The following SIGLEC1 variants were observed in gnomAD, a reference collection of about 807,000 sequenced individuals.
The protein encoded by SIGLEC1 is sialic acid binding Ig like lectin 1, also known as sialoadhesin.
In SIGLEC1, 132 loss-of-function variants were observed where a neutral mutation model predicts 148.0. The observed-to-expected ratio is 0.89, with a 90% confidence interval of 0.77 to 1.03. The LOEUF is 1.03. Ranked by LOEUF, SIGLEC1 falls within the 50% of genes least tolerant of loss-of-function variation. SIGLEC1 has a pLI of 0.00. For synonymous variants in SIGLEC1, 945 were observed against 969.0 expected, an observed-to-expected ratio of 0.98 and a Z score of 0.46; for missense variants, 2,253 against 2,271.4, an observed-to-expected ratio of 0.99 and a Z score of 0.16.
chr20:3,694,104 T>C (rs1233256142), intron 13 of SIGLEC1, 117 bp downstream of exon 13: 1 of 1,125,672 alleles, frequency 8.9e-7, no homozygotes, highest in East Asian at 2.5e-5. Context: ...TTAGGAAGGG[T>C]GGGAATGGGG....
rs545141697 is a variant in SIGLEC1 at position 3,707,257 on chromosome 20, T to C, written c.-109-20A>G. On this transcript the variant is annotated intron_variant, in intron 1 of 21. Transcript: ENST00000344754. Reference sequence around the variant, plus strand: ...CACCTGCTAGAAGTCCGAGCCTGTGTCCCCACCTCCTCTGCTGGCCAACCC... The same window carrying C: ...CACCTGCTAGAAGTCCGAGCCTGTGCCCCCACCTCCTCTGCTGGCCAACCC... 1 of 743,008 alleles carries C rather than the reference T, an allele frequency of 1.3e-6. No homozygotes were observed. Among genetic ancestry groups the C allele is most frequent in the South Asian group, 1.5e-5 (1 of 65,150 alleles). The allele number at this position is 743,008 out of a possible 1,614,324, so 46.0% of individuals were successfully genotyped here.
rs761312752 is a variant in SIGLEC1 at position 3,697,073 on chromosome 20, C to G, written c.2380+12G>C. On this transcript the variant is annotated intron_variant, in intron 10 of 21. Coordinates refer to ENST00000344754, the MANE Select transcript of SIGLEC1 (RefSeq NM_023068.4). The stretch of plus-strand genomic sequence containing the variant: ...CCTCCAAGTCCCCAGGCTGCCCATG[C>G]CAGTCACCCACAGAGTACACTCAGG... 6.2e-7 allele frequency: 1 copy of G among 1,606,948 alleles called. No homozygotes were observed. Among genetic ancestry groups the G allele is most frequent in the South Asian group, 1.1e-5 (1 of 91,024 alleles).
At chr20:3,701,673 C>T in intron 6 of SIGLEC1, 32 bp from the exon 7 acceptor site, 2 of 1,523,868 alleles carry the variant, frequency 1.3e-6, no homozygotes, top group African/African-American at 1.4e-5. Flanking sequence ...GCCTGTCACC[C>T]TCAGACAAGG....
rs59383643 is a variant in SIGLEC1, at chr20:3,694,174, GACACACAC to G, written c.3256+39_3256+46del. ...TCCCACCTCCTCTCCTCTTTTAAAG[GACACACAC>G]ACACACACACACACACACACACACA... On this transcript the variant is annotated intron_variant, in intron 13 of 21. Coordinates refer to ENST00000344754, the MANE Select transcript of SIGLEC1 (RefSeq NM_023068.4). The G allele has an allele frequency of 1.9e-3, 2,178 of 1,165,148 alleles. 4 individuals carry two copies. The African/African-American group carries it at 0.022, about 12-fold the overall frequency. 72.2% of individuals were successfully genotyped at this position (1,165,148 alleles called of 1,614,324 possible).
chr20:3,706,192 A>T (rs2146531930), intron 3 of SIGLEC1, 152 bp from the exon 4 acceptor site: 2 of 1,303,846 alleles, frequency 1.5e-6, no homozygotes, highest in East Asian at 4.8e-5. Context: ...GGTGAATACA[A>T]GGGAGAACCA....
rs1348692566 is a variant in SIGLEC1, at chr20:3,689,299, C to G, written c.4998-72G>C. The stretch of plus-strand genomic sequence containing the variant: ...CCTGCCCCCATTCCTCTCCCGCTCC[C>G]CACAGGCTGGCTCCAGACCACAAGA... On this transcript the variant is annotated intron_variant, in intron 20 of 21. Coordinates refer to ENST00000344754, the MANE Select transcript of SIGLEC1 (RefSeq NM_023068.4). 16 of 1,344,354 alleles carry G rather than the reference C, an allele frequency of 1.2e-5. 2 individuals carry two copies. In the South Asian group the frequency reaches 1.5e-4, roughly 13 times the overall value. 83.3% of individuals were successfully genotyped at this position (1,344,354 alleles called of 1,614,324 possible). A position where few individuals can be genotyped will look rare whatever the true frequency, so the allele number is the denominator to read the frequency against.
rs1286166683 is a variant in SIGLEC1, at chr20:3,710,504, G to T, written c.-110+1966C>A. ...CCTCTTCTGGGAAGATGCACCCCCA[G>T]CCTCCACACCAGGTTCTTGGCCACT... On this transcript the variant is annotated intron_variant, in intron 1 of 21. Coordinates refer to ENST00000344754, the MANE Select transcript of SIGLEC1 (RefSeq NM_023068.4). The surrounding 1 kb of genome is among the most constrained non-coding windows in gnomAD (Gnocchi z 4.6). Among the ~76,000 whole-genome samples the T allele has an allele frequency of 6.6e-6, 1 of 152,200 alleles. No homozygotes were observed. The highest frequency in any genetic ancestry group is 1.5e-5 in the Non-Finnish European group (1 of 68,018).
At chr20:3,703,474 G>A (rs774483723) in intron 5 of SIGLEC1, 23 bp from the exon 6 acceptor site, 3 of 1,545,948 alleles carry the variant, frequency 1.9e-6, no homozygotes, top group Middle Eastern at 1.8e-4. Flanking sequence ...CATAGGGAGT[G>A]CTGGGGGGTC....
At position 3,703,196 on chromosome 20, in the gene SIGLEC1, C is replaced by A. The variant is rs767615639; in HGVS notation, c.1228+1G>T. 15 of 1,613,758 alleles carry A rather than the reference C, an allele frequency of 9.3e-6. No individual in the cohort carries two copies. The highest frequency in any genetic ancestry group is 6.8e-6 in the Non-Finnish European group (8 of 1,180,008). On this transcript the variant is annotated splice_donor_variant, in intron 6 of 21. Transcript: ENST00000344754. LOFTEE classifies it high-confidence loss of function. Reference sequence around the variant, plus strand: ...AGTGCCACCCCACCCTGGCCTCTTACGGTTGACTACCACGCTGACAGGGCC... The same window carrying A: ...AGTGCCACCCCACCCTGGCCTCTTAAGGTTGACTACCACGCTGACAGGGCC...
chr20:3,693,045 G>T lies in SIGLEC1; in HGVS notation c.3595C>A (p.Pro1199Thr), dbSNP rs756805393. 1.2e-6 allele frequency: 2 copies of T among 1,609,398 alleles called. No homozygotes were observed. Among genetic ancestry groups the T allele is most frequent in the South Asian group, 1.1e-5 (1 of 90,966 alleles). ...ALVLCTVDSRPPAQLALSHAG... is the reference protein window; with the variant it reads ...ALVLCTVDSRTPAQLALSHAG... ...TGGCTGAGGGCCAGCTGGGCGGGCG[G>T]GCGGCTGTCCACAGTGCACAGTACC... Residue 1199 changes from proline (P) to threonine (T), a missense_variant, in exon 15 of 22, where the codon CCG becomes ACG. Physicochemically the swap from Pro to Thr is conservative, Grantham distance 38 (BLOSUM62 -1). Transcript: ENST00000344754.
intron 1 of SIGLEC1, among the ~76,000 whole-genome samples, chr20:3,708,545 C>T (rs2087911304): frequency 6.6e-6 from 1 of 152,088 alleles, no homozygotes; most frequent in African/African-American, 2.4e-5. Context: ...GCAGGAGGAT[C>T]ACTTTAGCCC....
chr20:3,707,018 C>A, intron 2 of SIGLEC1, 62 bp downstream of exon 2: 1 of 1,545,136 alleles, frequency 6.5e-7, no homozygotes, highest in Non-Finnish European at 8.9e-7. Context: ...GTCTAATCTG[C>A]CAAGGGCTGG....
chr20:3,690,773 T>C (rs767190603), intron 18 of SIGLEC1, among the ~76,000 whole-genome samples: 5 of 152,072 alleles, frequency 3.3e-5, no homozygotes, highest in Non-Finnish European at 5.9e-5. Context: ...GCTTATCGTG[T>C]GCCAGACACA....
In SIGLEC1 at chr20:3,701,600, G is replaced by GGGT. The variant is rs772513045; in HGVS notation, c.1267_1269dup (p.Thr423dup). ...TGAAGGATGCCCACAAGTCCCGCCT[G>GGGT]GGTCTCCAGGAAGGCTGTCAGGACT... On this transcript the variant is annotated inframe_insertion, in exon 7 of 22. Coordinates refer to ENST00000344754, the MANE Select transcript of SIGLEC1 (RefSeq NM_023068.4). 1.0e-5 allele frequency: 16 copies of GGGT among 1,589,238 alleles called. No homozygotes were observed. In the Admixed American group the frequency reaches 2.7e-4, roughly 27 times the overall value.
Position 3,693,356 on chromosome 20 carries a change from C to A in SIGLEC1, c.3508+91G>T. 2.1e-6 allele frequency: 3 copies of A among 1,419,466 alleles called. 1 individual carries two copies. In the South Asian group the frequency reaches 4.2e-5, roughly 20 times the overall value. The allele number at this position is 1,419,466 out of a possible 1,614,324, so 87.9% of individuals were successfully genotyped here. A position where few individuals can be genotyped will look rare whatever the true frequency, so the allele number is the denominator to read the frequency against. Reference sequence around the variant, plus strand: ...ACTAGCTACTGGGTACCGAGTTCCCCACTGGACACCTGTCGGGTTCCGGCC... The same window carrying A: ...ACTAGCTACTGGGTACCGAGTTCCCAACTGGACACCTGTCGGGTTCCGGCC... On this transcript the variant is annotated intron_variant, in intron 14 of 21. Coordinates refer to ENST00000344754, the MANE Select transcript of SIGLEC1 (RefSeq NM_023068.4).
rs143895438 is a variant in SIGLEC1, at chr20:3,694,669, C to T, written c.2938G>A (p.Val980Met). 24 of 1,612,152 alleles carry T rather than the reference C, an allele frequency of 1.5e-5. No individual in the cohort carries two copies. The highest frequency in any genetic ancestry group is 1.6e-4 in the Middle Eastern group (1 of 6,080). The part of the protein sequence containing the change: ...TSLAAPISLH[V>M]SYAPRHVTLT... Reference sequence around the variant, plus strand: ...ATGGGACAAAAGTCCTTACAGGACACGTGGAGGCTGATGGGTGCAGCTAGG... The same window carrying T: ...ATGGGACAAAAGTCCTTACAGGACATGTGGAGGCTGATGGGTGCAGCTAGG... Residue 980 changes from valine to methionine, a missense_variant, in exon 12 of 22, where the codon GTG becomes ATG. Transcript: ENST00000344754.
chr20:3,688,171 T>G lies in SIGLEC1; in HGVS notation c.*389A>C. 3.2e-6 allele frequency: 1 copy of G among 311,880 alleles called. No homozygotes were observed. The highest frequency in any genetic ancestry group is 2.8e-5 in the South Asian group (1 of 35,984). 19.3% of individuals were successfully genotyped at this position (311,880 alleles called of 1,614,324 possible). ...TAGAGCAGGCTGACTGATACTCTGTTGAATACAGAATGCCTTGGTGAGCCT... is the reference window on the plus strand; with the variant it reads ...TAGAGCAGGCTGACTGATACTCTGTGGAATACAGAATGCCTTGGTGAGCCT... On this transcript the variant is annotated 3_prime_UTR_variant, in exon 22 of 22. Transcript: ENST00000344754.
Position 3,707,055 on chromosome 20 carries a change from CAGGCACT to C in SIGLEC1, c.49+18_49+24del. 6.2e-7 allele frequency: 1 copy of C among 1,611,698 alleles called. No individual in the cohort carries two copies. Among genetic ancestry groups the C allele is most frequent in the Non-Finnish European group, 8.5e-7 (1 of 1,177,890 alleles). On this transcript the variant is annotated intron_variant, in intron 2 of 21. Coordinates refer to ENST00000344754, the MANE Select transcript of SIGLEC1 (RefSeq NM_023068.4). ...CTTATGAAGGCTGGACCCTGGAAGA[CAGGCACT>C]AGGCCCGCAAAGCTTACCTGCTGGG...
At position 3,687,472 on chromosome 20, in the gene SIGLEC1, G is replaced by GGGT. The variant is rs1358926197; in HGVS notation, c.*1085_*1087dup. 3 of 152,382 alleles carry GGGT rather than the reference G, an allele frequency of 2.0e-5. No individual in the cohort carries two copies. The highest frequency in any genetic ancestry group is 7.2e-5 in the African/African-American group (3 of 41,560). The allele number at this position is 152,382 out of a possible 1,614,324, so 9.4% of individuals were successfully genotyped here. ...AGTACCCAGTCCCTGGGGGTAGGGG[G>GGGT]GGTGGTGGTGGGAATGAGGGCATCT... is the stretch of plus-strand genomic sequence containing the variant. On this transcript the variant is annotated 3_prime_UTR_variant, in exon 22 of 22. Coordinates refer to ENST00000344754, the MANE Select transcript of SIGLEC1 (RefSeq NM_023068.4).
Sources: allele counts gnomAD v4.1 joint callset (sites outside exome capture counted in the v4.1 genomes callset), GRCh38; gene constraint gnomAD v4.1.1; non-coding constraint Gnocchi (gnomAD v3.1); transcripts MANE v1.5; gene names NCBI Gene and HGNC (gene_info 2026-07-23, HGNC 2026-07-21).